The following PHLPP1 variants were observed in gnomAD, a reference collection of about 807,000 sequenced individuals.
PHLPP1 encodes PH domain and leucine rich repeat protein phosphatase 1.
Under a neutral mutation model 117.2 loss-of-function variants are expected in PHLPP1, and 42 were observed. That is an observed-to-expected ratio of 0.36 (90% CI 0.28 to 0.46). The LOEUF (loss-of-function observed/expected upper bound fraction) is 0.46, where lower values mean the gene tolerates loss of function less well. Ranked by LOEUF, PHLPP1 falls within the 20% of genes least tolerant of loss-of-function variation. The pLI is 1.00. For missense variants in PHLPP1, 2,084 were observed against 2,241.9 expected, an observed-to-expected ratio of 0.93 and a Z score of 1.42; for synonymous variants, 1,042 against 970.7, an observed-to-expected ratio of 1.07 and a Z score of -1.37.
chr18:62,834,943 A>T (rs1032638694), intron 2 of PHLPP1, among the ~76,000 whole-genome samples: 19 of 151,926 alleles, frequency 1.3e-4, no homozygotes, highest in South Asian at 2.1e-4. Context: ...AGCATTTTTT[A>T]AAAAATCGTA....
At chr18:62,727,089 A>G (rs1320589525) in intron 1 of PHLPP1, among the ~76,000 whole-genome samples, 2 of 151,306 alleles carry the variant, frequency 1.3e-5, no homozygotes, top group East Asian at 4.0e-4. Flanking sequence ...TTAGCTGGGC[A>G]TGGTGGCAGG....
intron 10 of PHLPP1, among the ~76,000 whole-genome samples, chr18:62,938,425 A>G (rs532848283): frequency 1.3e-5 from 2 of 152,366 alleles, no homozygotes; most frequent in East Asian, 1.9e-4. Context: ...AATGTAGACT[A>G]TTAAACCAAT....
rs137888750 is a variant in PHLPP1 at position 62,885,419 on chromosome 18, T to G, written c.2067-9592T>G. On this transcript the variant is annotated intron_variant, in intron 4 of 16. Transcript: ENST00000262719. ...GCTTATGCCTGTAATCCCAGCACTT[T>G]GGGAGGCTGAGGTGGGTGGATCACA... Among the ~76,000 whole-genome samples the G allele has an allele frequency of 1.8e-3, 279 of 152,294 alleles. 3 individuals are homozygous for G. The East Asian group carries it at 0.033, about 18-fold the overall frequency.
Position 62,857,155 on chromosome 18 carries a change from C to G in PHLPP1, c.1900-3280C>G, listed in dbSNP as rs377285265. ...AAATAAAGAAGGGTTGCATTAGTTT[C>G]CTGTGGCTGCTGTAACATATTAGCA... On this transcript the variant is annotated intron_variant, in intron 3 of 16. Coordinates refer to ENST00000262719, the MANE Select transcript of PHLPP1 (RefSeq NM_194449.4). Among the ~76,000 whole-genome samples, 35 of 152,224 alleles carry G rather than the reference C, an allele frequency of 2.3e-4. No homozygotes were observed. The East Asian group carries it at 4.8e-3, about 21-fold the overall frequency.
intron 1 of PHLPP1, among the ~76,000 whole-genome samples, chr18:62,742,277 T>G (rs975192774): frequency 7.2e-5 from 11 of 152,230 alleles, no homozygotes; most frequent in Non-Finnish European, 1.3e-4. Context: ...GTTCTTCCTA[T>G]GTACATGACT....
At chr18:62,937,669 G>A (rs569526834) in intron 10 of PHLPP1, among the ~76,000 whole-genome samples, 5 of 152,182 alleles carry the variant, frequency 3.3e-5, no homozygotes, top group South Asian at 2.1e-4. Flanking sequence ...TTTGTCTTTC[G>A]TGAAATATGA....
chr18:62,845,946 T>A (rs1292968296), intron 3 of PHLPP1, among the ~76,000 whole-genome samples: 1 of 152,128 alleles, frequency 6.6e-6, no homozygotes, highest in Non-Finnish European at 1.5e-5. Context: ...GTGCAGTGGC[T>A]TATGCCTGTA....
intron 3 of PHLPP1, among the ~76,000 whole-genome samples, chr18:62,849,863 T>A (rs1915293263): frequency 8.1e-6 from 1 of 123,706 alleles, no homozygotes; most frequent in African/African-American, 3.1e-5. Context: ...TTAGTTCCCA[T>A]TACGTACTTA....
intron 1 of PHLPP1, among the ~76,000 whole-genome samples, chr18:62,740,001 A>C (rs979935493): frequency 6.6e-6 from 1 of 152,318 alleles, no homozygotes. Flanking sequence ...ACCTTACTGC[A>C]CTGGAAGGGA....
chr18:62,941,078 G>A (rs1910119404), intron 10 of PHLPP1, among the ~76,000 whole-genome samples: 1 of 152,118 alleles, frequency 6.6e-6, no homozygotes, highest in East Asian at 1.9e-4. Context: ...TGTTGTTTTA[G>A]TTCTTTATTC....
Position 62,978,936 on chromosome 18 carries a change from C to A in PHLPP1, c.4659C>A (p.Ile1553=). Residue 1553 remains isoleucine (I), a synonymous_variant, in exon 17 of 17, where the codon ATC becomes ATA. Coordinates refer to ENST00000262719, the MANE Select transcript of PHLPP1 (RefSeq NM_194449.4). The surrounding 1 kb of genome is among the most constrained non-coding windows in gnomAD (Gnocchi z 7.0). The part of the protein sequence containing the change: ...NGLDSDDEEP[I]EGVFTNGSRV... ...TTGACAGTGACGATGAGGAGCCCAT[C>A]GAGGGCGTCTTCACCAACGGCAGCC... 6.2e-7 allele frequency: 1 copy of A among 1,608,642 alleles called. No individual in the cohort carries two copies. Among genetic ancestry groups the A allele is most frequent in the East Asian group, 2.2e-5 (1 of 44,602 alleles).
At chr18:62,885,404 G>A (rs530310512) in intron 4 of PHLPP1, among the ~76,000 whole-genome samples, 11 of 152,326 alleles carry the variant, frequency 7.2e-5, no homozygotes, top group African/African-American at 2.6e-4. Context: ...GCTTATGCCT[G>A]TAATCCCAGC....
chr18:62,951,703 G>A (rs185656974), intron 12 of PHLPP1, among the ~76,000 whole-genome samples: 286 of 151,540 alleles, frequency 1.9e-3, no homozygotes, highest in Middle Eastern at 3.4e-3. Context: ...AAAAATAATG[G>A]CTCTTTCCCT....
chr18:62,748,026 A>G (rs563097658), intron 1 of PHLPP1, among the ~76,000 whole-genome samples: 11 of 152,272 alleles, frequency 7.2e-5, no homozygotes, highest in Admixed American at 5.2e-4. Flanking sequence ...AAGAAGGTAC[A>G]TTCTAATTGT....
At chr18:62,739,631 G>C (rs1037117017) in intron 1 of PHLPP1, among the ~76,000 whole-genome samples, 1 of 152,130 alleles carries the variant, frequency 6.6e-6, no homozygotes, top group African/African-American at 2.4e-5. Context: ...AAGGATGATG[G>C]ATGAACAGAG....
At chr18:62,743,723 T>C (rs190080270) in intron 1 of PHLPP1, among the ~76,000 whole-genome samples, 7 of 152,284 alleles carry the variant, frequency 4.6e-5, no homozygotes, top group African/African-American at 1.7e-4. Flanking sequence ...TAAATTTCTT[T>C]TAATTTTAGG....
At chr18:62,755,752 C>T (rs1333393862) in intron 1 of PHLPP1, among the ~76,000 whole-genome samples, 2 of 152,120 alleles carry the variant, frequency 1.3e-5, no homozygotes, top group Non-Finnish European at 2.9e-5. Flanking sequence ...GCAGCCCAAA[C>T]AGACTAAGAC....
intron 1 of PHLPP1, among the ~76,000 whole-genome samples, chr18:62,804,860 A>G (rs1187169641): frequency 6.7e-6 from 1 of 149,916 alleles, no homozygotes; most frequent in South Asian, 2.1e-4. Flanking sequence ...TACACTATAT[A>G]TTATACATAT....
At chr18:62,916,233 A>G (rs1909271869) in intron 9 of PHLPP1, among the ~76,000 whole-genome samples, 2 of 152,096 alleles carry the variant, frequency 1.3e-5, no homozygotes, top group Admixed American at 1.3e-4. Flanking sequence ...TAAAATGTAC[A>G]TGGAATATAA....
Sources: allele counts gnomAD v4.1 joint callset (sites outside exome capture counted in the v4.1 genomes callset), GRCh38; gene constraint gnomAD v4.1.1; non-coding constraint Gnocchi (gnomAD v3.1); transcripts MANE v1.5; gene names NCBI Gene and HGNC (gene_info 2026-07-23, HGNC 2026-07-21).